Variants in GRIK2 observed in about 807,000 individuals in gnomAD.
GRIK2 encodes the protein glutamate receptor ionotropic, kainate 2.
Under a neutral mutation model 100.3 loss-of-function variants are expected in GRIK2, and 32 were observed. That is an observed-to-expected ratio of 0.32 (90% confidence interval 0.24 to 0.43). GRIK2 has a LOEUF of 0.43. Among genes scored for constraint, GRIK2 ranks in the 20% least tolerant of loss-of-function variants. The pLI is 1.00. For missense variants in GRIK2, 843 were observed against 1,114.9 expected (o/e 0.76, Z 3.47); for synonymous variants, 417 against 389.4 (o/e 1.07, Z -0.83).
chr6:102,007,161 T>G (rs780225918), intron 14 of GRIK2, among the ~76,000 whole-genome samples: 3 of 152,106 alleles, frequency 2.0e-5, no homozygotes, highest in Non-Finnish European at 2.9e-5. Context: ...TAAAGATAAC[T>G]CTACATGAAG....
chr6:101,425,627 T>C (rs1313534719), intron 2 of GRIK2, among the ~76,000 whole-genome samples: 3 of 152,194 alleles, frequency 2.0e-5, no homozygotes, highest in African/African-American at 7.2e-5. Flanking sequence ...GCAAGGCATA[T>C]TTATTTTTGA....
chr6:101,726,338 T>C (rs1774862626), intron 7 of GRIK2, among the ~76,000 whole-genome samples: 1 of 152,026 alleles, frequency 6.6e-6, no homozygotes, highest in African/African-American at 2.4e-5. Flanking sequence ...TTCCAGAAGC[T>C]AATGAAAGGT....
chr6:101,520,884 G>A (rs1774849829), intron 2 of GRIK2, among the ~76,000 whole-genome samples: 1 of 151,826 alleles, frequency 6.6e-6, no homozygotes, highest in African/African-American at 2.4e-5. Context: ...TTGTTTTCAT[G>A]GAAAATATAT....
chr6:101,725,221 T>A (rs556989760), intron 7 of GRIK2, among the ~76,000 whole-genome samples: 4 of 152,188 alleles, frequency 2.6e-5, no homozygotes, highest in South Asian at 2.1e-4. Flanking sequence ...CTAGTTCTTG[T>A]ACCTTTTACC....
chr6:101,533,395 G>A (rs945231413), intron 2 of GRIK2, among the ~76,000 whole-genome samples: 3 of 143,160 alleles, frequency 2.1e-5, no homozygotes, highest in East Asian at 2.1e-4. Flanking sequence ...ACAAAAAAAA[G>A]CATTGATGTA....
chr6:101,592,471 CTT>C (rs1778697635), intron 2 of GRIK2, among the ~76,000 whole-genome samples: 1 of 151,054 alleles, frequency 6.6e-6, no homozygotes, highest in Non-Finnish European at 1.5e-5. Flanking sequence ...TGGTAAAAAA[CTT>C]CAGCTGAGGC....
chr6:101,766,520 A>ATAAAGTTGGAT (rs1778054916), intron 7 of GRIK2, among the ~76,000 whole-genome samples: 2 of 152,168 alleles, frequency 1.3e-5, no homozygotes, highest in African/African-American at 4.8e-5. Flanking sequence ...CTTTTTTATG[A>ATAAAGTTGGAT]TAAAGTTGGA....
At chr6:101,564,546 G>A (rs952449498) in intron 2 of GRIK2, among the ~76,000 whole-genome samples, 1 of 152,070 alleles carries the variant, frequency 6.6e-6, no homozygotes, top group African/African-American at 2.4e-5. Context: ...GGCAGGAGTC[G>A]GCTTTCTCCC....
chr6:101,851,957 C>CA (rs35210713), intron 10 of GRIK2, among the ~76,000 whole-genome samples: 28,787 of 130,152 alleles, frequency 0.22, 5,057 homozygotes, highest in East Asian at 0.65. Context: ...TGACTATGGG[C>CA]AAAAAAAAAA....
chr6:101,865,003 C>G (rs895718963), intron 11 of GRIK2, among the ~76,000 whole-genome samples: 4 of 152,016 alleles, frequency 2.6e-5, no homozygotes, highest in African/African-American at 9.7e-5. Flanking sequence ...TATAATTAAC[C>G]ATTTGATGTA....
intron 15 of GRIK2, among the ~76,000 whole-genome samples, chr6:102,043,229 A>G (rs1770689918): frequency 6.6e-6 from 1 of 151,454 alleles, no homozygotes; most frequent in South Asian, 2.1e-4. Flanking sequence ...TATGAATACA[A>G]TAAGGAATGA....
intron 7 of GRIK2, among the ~76,000 whole-genome samples, chr6:101,728,316 T>C (rs1775016695): frequency 6.6e-6 from 1 of 152,058 alleles, no homozygotes; most frequent in Non-Finnish European, 1.5e-5. Flanking sequence ...GTATATACTA[T>C]GTGCTAAATA....
chr6:101,395,022 A>AAAATTAATC (rs1403855168), intron 1 of GRIK2, among the ~76,000 whole-genome samples: 1 of 152,236 alleles, frequency 6.6e-6, no homozygotes, highest in Non-Finnish European at 1.5e-5. Context: ...TTAGTGTCTA[A>AAAATTAATC]AAATTAATCA....
chr6:101,912,289 T>C (rs1360875866), intron 12 of GRIK2, among the ~76,000 whole-genome samples: 1 of 151,358 alleles, frequency 6.6e-6, no homozygotes, highest in Non-Finnish European at 1.5e-5. Flanking sequence ...GCAGAACCTT[T>C]AAAAAACTCG....
intron 2 of GRIK2, among the ~76,000 whole-genome samples, chr6:101,551,108 T>G (rs948150034): frequency 3.3e-5 from 5 of 152,194 alleles, no homozygotes; most frequent in African/African-American, 1.2e-4. Context: ...CTCCCTACTC[T>G]GTTATCCTCA....
At chr6:101,820,466 C>T (rs984805373) in intron 10 of GRIK2, among the ~76,000 whole-genome samples, 5 of 151,216 alleles carry the variant, frequency 3.3e-5, no homozygotes, top group African/African-American at 4.9e-5. Flanking sequence ...CCTTCTTCTT[C>T]GATGGAGTCT....
chr6:101,458,212 T>C (rs931153853), intron 2 of GRIK2, among the ~76,000 whole-genome samples: 2 of 151,956 alleles, frequency 1.3e-5, no homozygotes, highest in African/African-American at 4.8e-5. Context: ...TTAAAGGACA[T>C]TTCCAGAAAA....
chr6:101,610,524 A>C (rs1779623616), intron 2 of GRIK2, among the ~76,000 whole-genome samples: 1 of 151,786 alleles, frequency 6.6e-6, no homozygotes, highest in Admixed American at 6.6e-5. Flanking sequence ...TATTTTTTGC[A>C]AAAGAGAGAG....
chr6:101,823,172 T>TTC (rs1369949570), intron 10 of GRIK2, among the ~76,000 whole-genome samples: 1 of 152,130 alleles, frequency 6.6e-6, no homozygotes, highest in African/African-American at 2.4e-5. Flanking sequence ...TAATCTCAGA[T>TTC]TCTCCTGGGC....
Sources: gnomAD v4.1 joint callset for allele counts (sites outside exome capture counted in the v4.1 genomes callset) on GRCh38, gnomAD v4.1.1 for gene constraint, MANE v1.5 for transcripts, NCBI Gene and HGNC (gene_info 2026-07-23, HGNC 2026-07-21) for gene names.